Variants in DHRS12 observed in about 807,000 individuals in gnomAD.
DHRS12 encodes the protein dehydrogenase/reductase 12.
Under a neutral mutation model 32.1 loss-of-function variants are expected in DHRS12, and 29 were observed. The ratio of observed to expected loss-of-function variants is 0.90; its 90% confidence interval spans 0.67 to 1.23. The LOEUF is 1.23. Among genes scored for constraint, DHRS12 ranks in the 50% most tolerant of loss-of-function variants. The pLI is 0.00. For missense variants in DHRS12, 330 were observed against 337.2 expected (o/e 0.98, Z 0.17); for synonymous variants, 150 against 135.9 (o/e 1.10, Z -0.72).
At chr13:51,797,912 G>A (rs1262770480) in intron 2 of DHRS12, 2 of 1,535,816 alleles carry the variant, frequency 1.3e-6, no homozygotes, top group African/African-American at 2.7e-5. Flanking sequence ...GTGCCACCTG[G>A]TGGAATTCAA....
At chr13:51,769,910 C>A (rs1408626797) in intron 7 of DHRS12, among the ~76,000 whole-genome samples, 1 of 152,234 alleles carries the variant, frequency 6.6e-6, no homozygotes, top group Non-Finnish European at 1.5e-5. Context: ...TACCTGCCCA[C>A]GCCTTCGAGG....
At chr13:51,793,124 G>A (rs1157565900) in intron 2 of DHRS12, among the ~76,000 whole-genome samples, 1 of 152,172 alleles carries the variant, frequency 6.6e-6, no homozygotes, top group East Asian at 1.9e-4. Flanking sequence ...CCTGTCTAAT[G>A]TGCCGTTTCT....
intron 1 of DHRS12, among the ~76,000 whole-genome samples, chr13:51,800,897 T>C (rs1955724078): frequency 6.6e-6 from 1 of 152,206 alleles, no homozygotes; most frequent in Non-Finnish European, 1.5e-5. Flanking sequence ...ACCCATTGCT[T>C]CTGCTGTGAG....
the DHRS12 span, chr13:51,760,364 C>T: frequency 2.6e-5 from 4 of 152,058 alleles, no homozygotes; most frequent in Admixed American, 2.0e-4. Context: ...GCCTGAAGAG[C>T]GATTTGTTTG....
chr13:51,798,829 AG>A (rs1191512661), intron 2 of DHRS12, among the ~76,000 whole-genome samples: 2 of 152,220 alleles, frequency 1.3e-5, no homozygotes, highest in African/African-American at 4.8e-5. Context: ...GAGGCTCTGG[AG>A]AGATGCAGCA....
At chr13:51,775,912 T>TTCTACAGTATTCTCCTACATGTAC (rs1387630454) in intron 5 of DHRS12, 2 of 138,238 alleles carry the variant, frequency 1.4e-5, no homozygotes, top group Admixed American at 7.1e-5. Flanking sequence ...CCTACATGTA[T>TTCTACAGTATTCTCCTACATGTAC]TCTACAGTAT....
At chr13:51,771,107 G>T in intron 7 of DHRS12, 1 of 1,472,048 alleles carries the variant, frequency 6.8e-7, no homozygotes, top group Non-Finnish European at 9.0e-7. Flanking sequence ...TCTGTAAATG[G>T]GTGTGATAAT....
chr13:51,778,589 T>C (rs1174690464), intron 4 of DHRS12, among the ~76,000 whole-genome samples: 1 of 152,150 alleles, frequency 6.6e-6, no homozygotes, highest in Non-Finnish European at 1.5e-5. Flanking sequence ...CGGATTGTCA[T>C]AAATGGCTCT....
At chr13:51,803,082 TAC>T (rs1477633135) in intron 1 of DHRS12, among the ~76,000 whole-genome samples, 1 of 152,192 alleles carries the variant, frequency 6.6e-6, no homozygotes, top group Non-Finnish European at 1.5e-5. Flanking sequence ...GGCTCACGAC[TAC>T]ACTCCCCACC....
At chr13:51,793,809 G>A (rs953724520) in intron 2 of DHRS12, among the ~76,000 whole-genome samples, 5 of 152,156 alleles carry the variant, frequency 3.3e-5, no homozygotes, top group African/African-American at 1.2e-4. Flanking sequence ...ACCAGAAAGC[G>A]CTGTGTAACA....
chr13:51,776,867 G>A (rs1954444961), intron 5 of DHRS12, among the ~76,000 whole-genome samples, 193 bp downstream of exon 5: 1 of 152,148 alleles, frequency 6.6e-6, no homozygotes, highest in Non-Finnish European at 1.5e-5. Context: ...GGGGGGTTCA[G>A]AGAGGGCTGG....
the DHRS12 span, among the ~76,000 whole-genome samples, chr13:51,756,116 A>T: frequency 6.6e-6 from 1 of 152,130 alleles, no homozygotes; most frequent in Non-Finnish European, 1.5e-5. Flanking sequence ...GTGGGGTGGT[A>T]TCCCTGTCAG....
chr13:51,780,416 T>C (rs1260707337), intron 4 of DHRS12, among the ~76,000 whole-genome samples: 1 of 152,158 alleles, frequency 6.6e-6, no homozygotes, highest in African/African-American at 2.4e-5. Context: ...AGGGCAGGCC[T>C]GGGAGGAGGG....
intron 2 of DHRS12, among the ~76,000 whole-genome samples, chr13:51,799,035 G>C (rs1955634598): frequency 6.6e-6 from 1 of 152,198 alleles, no homozygotes; most frequent in South Asian, 2.1e-4. Flanking sequence ...CCCCAGCAAG[G>C]AGGAAGTTTA....
intron 2 of DHRS12, among the ~76,000 whole-genome samples, chr13:51,793,380 C>A (rs1429629868): frequency 6.6e-6 from 1 of 152,204 alleles, no homozygotes; most frequent in Non-Finnish European, 1.5e-5. Flanking sequence ...TTTGACAAAG[C>A]AGAGAAGTTC....
intron 8 of DHRS12, 146 bp from the exon 9 acceptor site, chr13:51,768,442 T>A: frequency 6.9e-7 from 1 of 1,455,198 alleles, no homozygotes; most frequent in Non-Finnish European, 9.0e-7. Context: ...CTGTCAAAGG[T>A]CCCACAGGGA....
chr13:51,787,914 T>C (rs1394681755), intron 4 of DHRS12, among the ~76,000 whole-genome samples: 1 of 124,466 alleles, frequency 8.0e-6, no homozygotes, highest in Admixed American at 9.9e-5. Flanking sequence ...AAATATATAA[T>C]TATATATAAT....
At chr13:51,767,528 A>C (rs1299944766), downstream of DHRS12, 4 of 152,292 alleles carry the variant, frequency 2.6e-5, no homozygotes, top group Non-Finnish European at 4.4e-5. Flanking sequence ...ATGTATGTAG[A>C]TGTATTCTAA....
rs1454309752 is a variant in DHRS12 at position 51,790,171 on chromosome 13, C to T, written c.220-79G>A. On this transcript the variant is annotated intron_variant, in intron 3 of 8. Transcript: ENST00000444610. Reference sequence around the variant, plus strand: ...ATTTCCATCCCCACACCTCCACTACCCCACCCCCAGCTCTTTTTCAACTTT... The same window carrying T: ...ATTTCCATCCCCACACCTCCACTACTCCACCCCCAGCTCTTTTTCAACTTT... 2.2e-5 allele frequency: 23 copies of T among 1,064,478 alleles called. No individual in the cohort carries two copies. The East Asian group carries it at 5.1e-4, about 24-fold the overall frequency. 65.9% of individuals were successfully genotyped at this position (1,064,478 alleles called of 1,614,324 possible).
Sources: gnomAD v4.1 joint callset for allele counts (sites outside exome capture counted in the v4.1 genomes callset) on GRCh38, gnomAD v4.1.1 for gene constraint, MANE v1.5 for transcripts, NCBI Gene and HGNC (gene_info 2026-07-23, HGNC 2026-07-21) for gene names.